ROBO2: variants seen among roughly 807,000 people sequenced by gnomAD.
ROBO2 encodes the protein roundabout homolog 2.
ROBO2 carries 53 observed loss-of-function variants against 160.8 expected under a neutral mutation model. The ratio of observed to expected loss-of-function variants is 0.33; its 90% CI spans 0.26 to 0.41. The LOEUF is 0.41. ROBO2 is among the 10% of genes least tolerant of loss of function. ROBO2 has a pLI of 1.00. For missense variants in ROBO2, 1,577 were observed against 1,722.4 expected, an observed-to-expected ratio of 0.92 and a Z score of 1.49; for synonymous variants, 664 against 611.7, an observed-to-expected ratio of 1.09 and a Z score of -1.26.
intron 2 of ROBO2, among the ~76,000 whole-genome samples, chr3:76,520,538 G>A (rs1234340680): frequency 1.3e-5 from 2 of 152,160 alleles, no homozygotes; most frequent in African/African-American, 4.8e-5. Flanking sequence ...ATAGTCACTG[G>A]ATTTTACAGC....
chr3:77,517,427 A>C (rs2090138779), intron 5 of ROBO2, among the ~76,000 whole-genome samples: 1 of 151,694 alleles, frequency 6.6e-6, no homozygotes, highest in South Asian at 2.1e-4. Flanking sequence ...GGACCAGATT[A>C]TCTAAAACTT....
intron 2 of ROBO2, among the ~76,000 whole-genome samples, chr3:77,249,339 G>A (rs940681952): frequency 5.3e-5 from 8 of 152,112 alleles, no homozygotes; most frequent in Non-Finnish European, 1.0e-4. Flanking sequence ...TGTACAATTT[G>A]TAATTTAGAG....
intron 2 of ROBO2, among the ~76,000 whole-genome samples, chr3:76,428,995 G>T (rs1482983519): frequency 6.6e-6 from 1 of 152,130 alleles, no homozygotes; most frequent in Non-Finnish European, 1.5e-5. Context: ...AAGACTGGAG[G>T]ATTCAATTCC....
chr3:77,295,959 G>T lies in ROBO2; in HGVS notation c.389-181455G>T, dbSNP rs1299796324. The stretch of plus-strand genomic sequence containing the variant: ...AAATTGATGGTTAAACGGGTAAGCT[G>T]AGGCTAGATCACTCCAGGCATAAAG... On this transcript the variant is annotated intron_variant, in intron 2 of 25. Coordinates refer to ENST00000461745, the Ensembl canonical transcript of ROBO2. Among the ~76,000 whole-genome samples the T allele has an allele frequency of 1.7e-5, 2 of 114,952 alleles. 1 individual carries two copies. Among genetic ancestry groups the T allele is most frequent in the Non-Finnish European group, 4.0e-5 (2 of 50,290 alleles). The allele number at this position is 114,952 out of a possible 152,430, so 75.4% of individuals were successfully genotyped here. A position where few individuals can be genotyped will look rare whatever the true frequency, so the allele number is the denominator to read the frequency against.
intron 2 of ROBO2, among the ~76,000 whole-genome samples, chr3:76,841,354 T>A (rs2068241301): frequency 6.6e-6 from 1 of 152,164 alleles, no homozygotes; most frequent in Non-Finnish European, 1.5e-5. Flanking sequence ...CCTTAATATT[T>A]GGTGTTTATA....
At chr3:76,957,076 C>T (rs187616152) in intron 2 of ROBO2, among the ~76,000 whole-genome samples, 461 of 152,144 alleles carry the variant, frequency 3.0e-3, no homozygotes, top group Admixed American at 6.2e-3. Flanking sequence ...TACACCACTT[C>T]CTTGTAAAAT....
rs577635949 is a variant in ROBO2 at position 76,880,732 on chromosome 3, G to A, written c.110-217282G>A. Among the ~76,000 whole-genome samples the A allele has an allele frequency of 8.5e-5, 13 of 152,136 alleles. No individual in the cohort carries two copies. In the East Asian group the frequency reaches 2.3e-3, roughly 27 times the overall value. Reference sequence around the variant, plus strand: ...TTGTTTGATACTCATTTGTTAAATGGAGTAAAAGGTTCATTCTTGATAACG... The same window carrying A: ...TTGTTTGATACTCATTTGTTAAATGAAGTAAAAGGTTCATTCTTGATAACG... On this transcript the variant is annotated intron_variant, in intron 2 of 26. Coordinates refer to the ROBO2 transcript ENST00000487694.
At chr3:77,473,996 T>A (rs899880951) in intron 2 of ROBO2, among the ~76,000 whole-genome samples, 1 of 152,114 alleles carries the variant, frequency 6.6e-6, no homozygotes, top group African/African-American at 2.4e-5. Context: ...CAAAGTTTCT[T>A]ACCTGCCTAA....
chr3:77,227,754 T>C (rs1286888835), intron 2 of ROBO2, among the ~76,000 whole-genome samples: 2 of 152,226 alleles, frequency 1.3e-5, no homozygotes, highest in African/African-American at 2.4e-5. Context: ...AAACAGGTTA[T>C]GCTATTCACT....
chr3:77,404,268 T>C (rs1442410815), intron 2 of ROBO2, among the ~76,000 whole-genome samples: 1 of 152,154 alleles, frequency 6.6e-6, no homozygotes, highest in Non-Finnish European at 1.5e-5. Context: ...TGTGTGTATT[T>C]GTAGGATGTA....
chr3:76,735,012 G>C (rs942800704), intron 2 of ROBO2, among the ~76,000 whole-genome samples: 2 of 152,186 alleles, frequency 1.3e-5, no homozygotes, highest in African/African-American at 4.8e-5. Flanking sequence ...ACCACTGTAG[G>C]AAGCAGTTTG....
chr3:77,365,990 TTAAAGAAAA>T (rs2070808882), intron 2 of ROBO2, among the ~76,000 whole-genome samples: 1 of 152,168 alleles, frequency 6.6e-6, no homozygotes, highest in South Asian at 2.1e-4. Context: ...CCATTTCTTT[TTAAAGAAAA>T]ATTCAGCATC....
At chr3:77,253,423 A>G (rs2090599254) in intron 2 of ROBO2, among the ~76,000 whole-genome samples, 1 of 152,236 alleles carries the variant, frequency 6.6e-6, no homozygotes, top group African/African-American at 2.4e-5. Context: ...CCTATGTGAC[A>G]TAACCTGCAA....
intron 2 of ROBO2, among the ~76,000 whole-genome samples, chr3:76,163,366 A>G (rs1227562590): frequency 6.6e-6 from 1 of 151,694 alleles, no homozygotes; most frequent in African/African-American, 2.4e-5. Flanking sequence ...GAATACCTTA[A>G]TTCTTATTGT....
intron 2 of ROBO2, among the ~76,000 whole-genome samples, chr3:76,699,602 C>T (rs1446763150): frequency 5.3e-5 from 8 of 152,076 alleles, no homozygotes; most frequent in Admixed American, 5.2e-4. Flanking sequence ...ACGTAGTTTC[C>T]TTTTTTAGTC....
chr3:76,622,896 C>T (rs1343746313), intron 2 of ROBO2, among the ~76,000 whole-genome samples: 1 of 152,130 alleles, frequency 6.6e-6, no homozygotes, highest in Non-Finnish European at 1.5e-5. Context: ...CCAAGTCAGG[C>T]GCTGAGGTCC....
chr3:76,860,751 T>C (rs137997175), intron 2 of ROBO2, among the ~76,000 whole-genome samples: 1 of 150,438 alleles, frequency 6.6e-6, no homozygotes, highest in East Asian at 2.0e-4. Flanking sequence ...CTTAAGTCTC[T>C]AAGATTTAAC....
chr3:76,394,264 C>T (rs537771941), intron 2 of ROBO2, among the ~76,000 whole-genome samples: 69 of 152,222 alleles, frequency 4.5e-4, no homozygotes, highest in Non-Finnish European at 4.1e-4. Flanking sequence ...GTGGCTGGTA[C>T]CAGTTGTTCC....
At chr3:76,913,361 A>G (rs892522973) in intron 2 of ROBO2, among the ~76,000 whole-genome samples, 10 of 152,218 alleles carry the variant, frequency 6.6e-5, no homozygotes, top group Non-Finnish European at 1.3e-4. Context: ...CTAAGGGCAT[A>G]GCATTCAATG....
Sources: allele counts gnomAD v4.1 joint callset (sites outside exome capture counted in the v4.1 genomes callset), GRCh38; gene constraint gnomAD v4.1.1; transcripts MANE v1.5; gene names NCBI Gene and HGNC (gene_info 2026-07-23, HGNC 2026-07-21).